Variants in ETV6 observed in about 807,000 individuals in gnomAD.
ETV6 encodes ETS variant transcription factor 6, also known as transcription factor ETV6.
Under a neutral mutation model 51.1 loss-of-function variants are expected in ETV6, and 16 were observed. The ratio of observed to expected loss-of-function variants is 0.31; its 90% CI spans 0.21 to 0.48. The LOEUF (loss-of-function observed/expected upper bound fraction) is 0.48. ETV6 is among the 20% of genes least tolerant of loss of function. The pLI, the probability that ETV6 is intolerant of heterozygous loss-of-function variation, is 0.99. For synonymous variants in ETV6, 240 were observed against 224.1 expected, an observed-to-expected ratio of 1.07 and a Z score of -0.64; for missense variants, 458 against 594.8, an observed-to-expected ratio of 0.77 and a Z score of 2.39.
chr12:11,827,070 T>TCTCACA (rs368955726), intron 2 of ETV6, among the ~76,000 whole-genome samples: 104 of 145,166 alleles, frequency 7.2e-4, no homozygotes, highest in Middle Eastern at 3.4e-3. Context: ...GAAGTCTGTC[T>TCTCACA]CACACACACA....
At chr12:11,765,863 T>A (rs1023111979) in intron 2 of ETV6, among the ~76,000 whole-genome samples, 2 of 152,226 alleles carry the variant, frequency 1.3e-5, no homozygotes, top group African/African-American at 4.8e-5. Flanking sequence ...AGTTTGTGTA[T>A]GAGACTGAGG....
intron 5 of ETV6, among the ~76,000 whole-genome samples, chr12:11,877,366 C>T (rs1245832882): frequency 6.6e-6 from 1 of 151,220 alleles, no homozygotes; most frequent in Non-Finnish European, 1.5e-5. Flanking sequence ...TAAAAGACCT[C>T]GTAAAAGAGA....
rs1229198404 is a variant in ETV6 at position 11,699,301 on chromosome 12, A to T, written c.33+49141A>T. 2.6e-5 allele frequency among the ~76,000 whole-genome samples: 4 copies of T among 152,210 alleles called. No individual in the cohort carries two copies. The East Asian group carries it at 7.7e-4, about 29-fold the overall frequency. ...TACACATCCAAGAGCTAAAACATGC[A>T]AACTCTTCAAAATTGGTAGAATACA... On this transcript the variant is annotated intron_variant, in intron 1 of 7. Coordinates refer to ENST00000396373, the MANE Select transcript of ETV6 (RefSeq NM_001987.5).
chr12:11,842,563 A>G (rs1284139492), intron 3 of ETV6, among the ~76,000 whole-genome samples: 1 of 152,218 alleles, frequency 6.6e-6, no homozygotes, highest in African/African-American at 2.4e-5. Context: ...ACACCAGGGC[A>G]TGGCTTCCAG....
chr12:11,726,595 T>C (rs1159055983), intron 1 of ETV6, among the ~76,000 whole-genome samples: 1 of 151,930 alleles, frequency 6.6e-6, no homozygotes, highest in African/African-American at 2.4e-5. Context: ...CTGGACAACA[T>C]AGTGAAACTT....
At chr12:11,873,426 T>G (rs917872650) in intron 5 of ETV6, among the ~76,000 whole-genome samples, 1 of 152,178 alleles carries the variant, frequency 6.6e-6, no homozygotes, top group African/African-American at 2.4e-5. Flanking sequence ...GTGTACAACG[T>G]AAAAGTTCTG....
chr12:11,801,580 A>G (rs962556818), intron 2 of ETV6, among the ~76,000 whole-genome samples: 4 of 152,250 alleles, frequency 2.6e-5, no homozygotes, highest in Non-Finnish European at 4.4e-5. Context: ...TATAGTGAAA[A>G]TACTGTTATG....
At chr12:11,728,857 A>G (rs977610994) in intron 1 of ETV6, among the ~76,000 whole-genome samples, 4 of 152,326 alleles carry the variant, frequency 2.6e-5, no homozygotes, top group East Asian at 1.9e-4. Flanking sequence ...GCCTTTTTGC[A>G]TAGTTACCAG....
intron 2 of ETV6, among the ~76,000 whole-genome samples, chr12:11,770,763 A>G (rs182300932): frequency 6.6e-6 from 1 of 152,318 alleles, no homozygotes; most frequent in African/African-American, 2.4e-5. Context: ...ATGAGTAAGT[A>G]ACAGCACGTG....
At position 11,757,873 on chromosome 12, in the gene ETV6, A is replaced by G. The variant is rs192843238; in HGVS notation, c.163+5294A>G. 4.3e-3 allele frequency among the ~76,000 whole-genome samples: 649 copies of G among 152,304 alleles called. 2 individuals are homozygous for G. The highest frequency in any genetic ancestry group is 7.0e-3 in the Non-Finnish European group (476 of 68,024). On this transcript the variant is annotated intron_variant, in intron 2 of 7. Transcript: ENST00000396373. ...TAGGATGAGGGAGAGGAATCAGGAT[A>G]ACAGCCTGTCCCTGTGGATGGTTTA... is the stretch of plus-strand genomic sequence containing the variant.
chr12:11,733,504 C>T (rs1865643467), intron 1 of ETV6, among the ~76,000 whole-genome samples: 2 of 151,776 alleles, frequency 1.3e-5, no homozygotes, highest in South Asian at 4.2e-4. Flanking sequence ...TTGTTTTCAT[C>T]CTTTCTCTTC....
chr12:11,830,613 A>G (rs1057057792), intron 2 of ETV6, among the ~76,000 whole-genome samples: 23 of 152,220 alleles, frequency 1.5e-4, no homozygotes, highest in African/African-American at 5.5e-4. Context: ...AGGGGTGCCA[A>G]TCACAGACTG....
In ETV6 at chr12:11,819,502, A is replaced by T. The variant is rs549212358; in HGVS notation, c.164-19638A>T. ...CTAGCCTGGGCCTTTCTCTTAAATA[A>T]CAGATGCATGTGTACAACTGCCTAC... On this transcript the variant is annotated intron_variant, in intron 2 of 7. Coordinates refer to ENST00000396373, the MANE Select transcript of ETV6 (RefSeq NM_001987.5). Among the ~76,000 whole-genome samples the T allele has an allele frequency of 1.2e-4, 18 of 152,338 alleles. No individual in the cohort carries two copies. The South Asian group carries it at 3.1e-3, about 26-fold the overall frequency.
chr12:11,775,282 A>G (rs1555127487), intron 2 of ETV6, among the ~76,000 whole-genome samples: 12 of 152,210 alleles, frequency 7.9e-5, no homozygotes, highest in Non-Finnish European at 1.8e-4. Flanking sequence ...AGGGAAGCTG[A>G]TGTTGTATTG....
At chr12:11,881,213 G>A (rs1394149891) in intron 5 of ETV6, among the ~76,000 whole-genome samples, 1 of 152,042 alleles carries the variant, frequency 6.6e-6, no homozygotes, top group Non-Finnish European at 1.5e-5. Flanking sequence ...ACAAACATTG[G>A]GATTATAATT....
intron 1 of ETV6, among the ~76,000 whole-genome samples, chr12:11,695,915 G>T (rs560341212): frequency 2.0e-5 from 3 of 152,028 alleles, no homozygotes; most frequent in Non-Finnish European, 4.4e-5. Context: ...CCTAATCATC[G>T]ACTCATGGAA....
At chr12:11,866,709 C>T (rs1168416293) in intron 4 of ETV6, among the ~76,000 whole-genome samples, 2 of 152,208 alleles carry the variant, frequency 1.3e-5, no homozygotes, top group Non-Finnish European at 2.9e-5. Context: ...AAACTCTGAA[C>T]TCTGTCTCCA....
intron 2 of ETV6, among the ~76,000 whole-genome samples, chr12:11,818,521 G>A: frequency 7.3e-6 from 1 of 137,478 alleles, no homozygotes. Context: ...GAGCGAGAGA[G>A]ACTCTGTCTC....
chr12:11,703,387 ATAATT>A (rs1865018712), intron 1 of ETV6, among the ~76,000 whole-genome samples: 1 of 152,184 alleles, frequency 6.6e-6, no homozygotes, highest in Admixed American at 6.5e-5. Flanking sequence ...TGTGATAAAA[ATAATT>A]TAAGATTTGG....
Sources: allele counts gnomAD v4.1 joint callset (sites outside exome capture counted in the v4.1 genomes callset), GRCh38; gene constraint gnomAD v4.1.1; transcripts MANE v1.5; gene names NCBI Gene and HGNC (gene_info 2026-07-23, HGNC 2026-07-21).